Variants in USP18 observed in about 807,000 individuals in gnomAD.
The protein encoded by USP18 is ubiquitin specific peptidase 18, also known as ubl carboxyl-terminal hydrolase 18.
A neutral mutation model predicts 48.7 loss-of-function variants in USP18; 11 were observed. The ratio of observed to expected loss-of-function variants is 0.23; its 90% CI spans 0.14 to 0.37. USP18 has a LOEUF of 0.37. Among genes scored for constraint, USP18 ranks in the 10% least tolerant of loss-of-function variants. USP18 has a pLI of 1.00. For synonymous variants in USP18, 114 were observed against 163.2 expected, an observed-to-expected ratio of 0.70 and a Z score of 2.30; for missense variants, 285 against 436.4, an observed-to-expected ratio of 0.65 and a Z score of 3.09.
chr22:18,169,668 A>C (rs1250994596), intron 6 of USP18, among the ~76,000 whole-genome samples, 176 bp from the exon 7 acceptor site: 2 of 152,190 alleles, frequency 1.3e-5, no homozygotes, highest in Non-Finnish European at 2.9e-5. Context: ...CCTCCCTAGA[A>C]GCAGATGCTG....
intron 1 of USP18, among the ~76,000 whole-genome samples, chr22:18,156,626 G>T (rs1211146714): frequency 6.6e-6 from 1 of 151,744 alleles, no homozygotes; most frequent in Non-Finnish European, 1.5e-5. Context: ...CGAACCCACC[G>T]GGAGGAACGG....
rs1311311608 is a variant in USP18 at position 18,160,031 on chromosome 22, C to T, written c.158-141C>T. On this transcript the variant is annotated intron_variant, in intron 2 of 10. Coordinates refer to ENST00000215794, the MANE Select transcript of USP18 (RefSeq NM_017414.4). ...GTTTTACCATGTTGGCCAGGCTGGTCTCGAACTCCCGACCTCAGGTGATCC... is the reference window on the plus strand; with the variant it reads ...GTTTTACCATGTTGGCCAGGCTGGTTTCGAACTCCCGACCTCAGGTGATCC... The T allele has an allele frequency of 5.1e-6, 4 of 786,708 alleles. No individual in the cohort carries two copies. The East Asian group carries it at 1.0e-4, about 20-fold the overall frequency. 48.7% of individuals were successfully genotyped at this position (786,708 alleles called of 1,614,324 possible).
intron 1 of USP18, among the ~76,000 whole-genome samples, chr22:18,155,513 G>A (rs145197379): frequency 0.012 from 1,894 of 152,326 alleles, 21 homozygotes; most frequent in South Asian, 0.023. Flanking sequence ...TAGCTTGCGG[G>A]GAGGTGTGGA....
intron 2 of USP18, among the ~76,000 whole-genome samples, chr22:18,159,334 G>A (rs1238947585): frequency 6.6e-6 from 1 of 152,124 alleles, no homozygotes; most frequent in African/African-American, 2.4e-5. Context: ...GGGATTACAG[G>A]TGTGAGCCAC....
chr22:18,171,769 G>T (rs1602531961), intron 8 of USP18, among the ~76,000 whole-genome samples: 1 of 152,012 alleles, frequency 6.6e-6, no homozygotes, highest in Non-Finnish European at 1.5e-5. Flanking sequence ...TTATTGGTCT[G>T]TTTGGCTATT....
At chr22:18,159,803 G>A (rs1929275689) in intron 2 of USP18, among the ~76,000 whole-genome samples, 1 of 151,474 alleles carries the variant, frequency 6.6e-6, no homozygotes. Context: ...AGCCTCCTGA[G>A]TAGCTGGGAC....
chr22:18,155,724 G>A (rs1929114044), intron 1 of USP18, among the ~76,000 whole-genome samples: 1 of 152,238 alleles, frequency 6.6e-6, no homozygotes. Context: ...CTCCTGGCAG[G>A]GCAGGGCTCG....
At position 18,157,661 on chromosome 22, in the gene USP18, C is replaced by G; in HGVS notation, c.-3C>G. The stretch of plus-strand genomic sequence containing the variant: ...CGGCCTGGGGGTTTTGGAGTGATCA[C>G]GAATGAGCAAGGCGTTTGGGCTCCT... On this transcript the variant is annotated 5_prime_UTR_variant, in exon 2 of 11. Coordinates refer to ENST00000215794, the MANE Select transcript of USP18 (RefSeq NM_017414.4). 6.2e-7 allele frequency: 1 copy of G among 1,614,014 alleles called. No homozygotes were observed.
intron 2 of USP18, among the ~76,000 whole-genome samples, chr22:18,159,094 C>T (rs1044053137): frequency 5.9e-5 from 9 of 152,042 alleles, no homozygotes; most frequent in African/African-American, 2.2e-4. Context: ...TTTGCTTTGT[C>T]GCCTAGGCTG....
In USP18 at chr22:18,173,791, A is replaced by G; in HGVS notation, c.1024-2A>G. 6.2e-7 allele frequency: 1 copy of G among 1,607,234 alleles called. No individual in the cohort carries two copies. The highest frequency in any genetic ancestry group is 2.2e-5 in the East Asian group (1 of 44,770). On this transcript the variant is annotated splice_acceptor_variant, in intron 9 of 10. Transcript: ENST00000215794. LOFTEE classifies it high-confidence loss of function. ...TTGACCCCATTTGTTTCTGGCTTCC[A>G]GGTGTCCTGGGAAGACATCCAGTGT...
At chr22:18,172,251 A>C (rs1929648691) in intron 8 of USP18, among the ~76,000 whole-genome samples, 1 of 152,142 alleles carries the variant, frequency 6.6e-6, no homozygotes, top group African/African-American at 2.4e-5. Flanking sequence ...CTCTTGTTTC[A>C]CCCAACCCTG....
In USP18 at chr22:18,157,837, C is replaced by T. The variant is rs765363069; in HGVS notation, c.157+17C>T. 7 of 1,613,680 alleles carry T rather than the reference C, an allele frequency of 4.3e-6. No individual in the cohort carries two copies. The highest frequency in any genetic ancestry group is 1.7e-5 in the Admixed American group (1 of 59,974). On this transcript the variant is annotated intron_variant, in intron 2 of 10. Transcript: ENST00000215794. ...ACCCTCATGGTCATTAGACCCCTCCCGTTTTCCTCTTCTTGACTGCATGTA... is the reference window on the plus strand; with the variant it reads ...ACCCTCATGGTCATTAGACCCCTCCTGTTTTCCTCTTCTTGACTGCATGTA...
intron 1 of USP18, among the ~76,000 whole-genome samples, chr22:18,152,797 G>C (rs1023972218): frequency 2.6e-5 from 4 of 152,256 alleles, no homozygotes; most frequent in African/African-American, 9.6e-5. Flanking sequence ...AAAGGCTGCT[G>C]TATTTTGTTT....
chr22:18,161,995 G>C, intron 4 of USP18, 60 bp downstream of exon 4: 1 of 1,537,026 alleles, frequency 6.5e-7, no homozygotes, highest in Non-Finnish European at 8.8e-7. Context: ...GAAGCTTAGA[G>C]AGTGAAGAGA....
Position 18,169,953 on chromosome 22 carries a change from A to C in USP18, c.723+14A>C. 1 of 1,573,284 alleles carries C rather than the reference A, an allele frequency of 6.4e-7. No homozygotes were observed. The highest frequency in any genetic ancestry group is 8.6e-7 in the Non-Finnish European group (1 of 1,157,794). ...CGTGGGAAACAGGTACTCATTCCCT[A>C]AATCAGACTCAGCTGTCCCTCGGTG... On this transcript the variant is annotated intron_variant, in intron 7 of 10. Coordinates refer to ENST00000215794, the MANE Select transcript of USP18 (RefSeq NM_017414.4).
At position 18,175,070 on chromosome 22, in the gene USP18, C is replaced by T. The variant is rs534547298; in HGVS notation, c.1073+1228C>T. ...CTGGGATTACAGGCGCCCGCCACCA[C>T]GCCTGGCTAATTTTTTGTATTTTTA... is the stretch of plus-strand genomic sequence containing the variant. On this transcript the variant is annotated intron_variant, in intron 10 of 10. Coordinates refer to ENST00000215794, the MANE Select transcript of USP18 (RefSeq NM_017414.4). Among the ~76,000 whole-genome samples the T allele has an allele frequency of 9.9e-5, 15 of 152,252 alleles. No homozygotes were observed. In the South Asian group the frequency reaches 2.9e-3, roughly 29 times the overall value.
Position 18,167,816 on chromosome 22 carries a change from C to G in USP18, c.481-74C>G, listed in dbSNP as rs1602529040. The G allele has an allele frequency of 1.8e-5, 27 of 1,523,026 alleles. 2 individuals carry two copies. The South Asian group carries it at 3.4e-4, about 19-fold the overall frequency. The allele number at this position is 1,523,026 out of a possible 1,614,324, so 94.3% of individuals were successfully genotyped here. On this transcript the variant is annotated intron_variant, in intron 5 of 10. Transcript: ENST00000215794. ...TGTGAGGAGCTTCTGTCTCTTGGCT[C>G]CACCTTCTGGCAGTTGGCCTGACCT... is the stretch of plus-strand genomic sequence containing the variant.
intron 1 of USP18, 52 bp from the exon 2 acceptor site, chr22:18,157,506 A>G: frequency 1.1e-6 from 1 of 932,146 alleles, no homozygotes; most frequent in Non-Finnish European, 1.7e-6. Flanking sequence ...GATTACATGA[A>G]TACACATTCC....
At chr22:18,161,072 G>A (rs1429183808) in intron 3 of USP18, among the ~76,000 whole-genome samples, 2 of 152,104 alleles carry the variant, frequency 1.3e-5, no homozygotes, top group African/African-American at 2.4e-5. Flanking sequence ...GCCCGGCCAG[G>A]TATTGGTACT....
Sources: gnomAD v4.1 joint callset for allele counts (sites outside exome capture counted in the v4.1 genomes callset) on GRCh38, gnomAD v4.1.1 for gene constraint, MANE v1.5 for transcripts, NCBI Gene and HGNC (gene_info 2026-07-23, HGNC 2026-07-21) for gene names.